The following ZMYND8 variants were observed in gnomAD, a reference collection of about 807,000 sequenced individuals.
The protein encoded by ZMYND8 is zinc finger MYND-type containing 8.
A neutral mutation model predicts 140.8 loss-of-function variants in ZMYND8; 37 were observed. That is an observed-to-expected ratio of 0.26 (90% CI 0.20 to 0.35). ZMYND8 has a LOEUF of 0.35. ZMYND8 is among the 10% of genes least tolerant of loss of function. The pLI, the probability that ZMYND8 is intolerant of heterozygous loss-of-function variation, is 1.00. For synonymous variants in ZMYND8, 592 were observed against 597.1 expected (o/e 0.99, Z 0.12); for missense variants, 1,068 against 1,570.0 (o/e 0.68, Z 5.40).
chr20:47,215,573 CAGGCACTCACTGCAGTCTCAAAACTCCT>C (rs1313105177), intron 21 of ZMYND8, among the ~76,000 whole-genome samples: 2 of 151,082 alleles, frequency 1.3e-5, no homozygotes, highest in Non-Finnish European at 2.9e-5. Flanking sequence ...TGGCTATTCA[CAGGCACTCACTGCAGTCTCAAAACTCCT>C]AGGCTCAAGT....
chr20:47,355,304 C>G (rs951770148), intron 1 of ZMYND8: 1 of 294,602 alleles, frequency 3.4e-6, no homozygotes, highest in Admixed American at 6.5e-5. Flanking sequence ...CACCTAAAAT[C>G]AAGACACTCT....
chr20:47,232,368 A>AAAATAAAT (rs3084712), intron 16 of ZMYND8, among the ~76,000 whole-genome samples: 5,554 of 149,146 alleles, frequency 0.037, 383 homozygotes, highest in African/African-American at 0.13. Flanking sequence ...CCTTGTCTCA[A>AAAATAAAT]AAATAAATAA....
intron 2 of ZMYND8, among the ~76,000 whole-genome samples, chr20:47,322,764 T>A (rs1467568729): frequency 6.6e-6 from 1 of 152,160 alleles, no homozygotes; most frequent in Non-Finnish European, 1.5e-5. Flanking sequence ...CAAAGTCATT[T>A]ATATGCTTCA....
At chr20:47,284,170 G>A (rs374774484) in intron 8 of ZMYND8, among the ~76,000 whole-genome samples, 11 of 152,024 alleles carry the variant, frequency 7.2e-5, no homozygotes, top group African/African-American at 2.2e-4. Flanking sequence ...CGATCCACCC[G>A]TCTCAGCCTC....
chr20:47,260,397 C>T (rs553999738), intron 12 of ZMYND8, among the ~76,000 whole-genome samples: 1 of 152,310 alleles, frequency 6.6e-6, no homozygotes, highest in African/African-American at 2.4e-5. Context: ...TCTCCGACTC[C>T]ACGGACTGGC....
At chr20:47,344,070 C>CG (rs1287397401) in intron 2 of ZMYND8, among the ~76,000 whole-genome samples, 1 of 151,678 alleles carries the variant, frequency 6.6e-6, no homozygotes, top group African/African-American at 2.4e-5. Flanking sequence ...CCCTCCACCC[C>CG]GGGTTCAAGT....
chr20:47,255,692 T>TAC (rs1491009529), intron 12 of ZMYND8, among the ~76,000 whole-genome samples: 3 of 96,296 alleles, frequency 3.1e-5, no homozygotes, highest in South Asian at 5.3e-4. Flanking sequence ...TGTGTGTGTA[T>TAC]ATATATATAT....
In ZMYND8 at chr20:47,292,070, T is replaced by C. The variant is rs182198486; in HGVS notation, c.568-182A>G. Among the ~76,000 whole-genome samples, 291 of 152,364 alleles carry C rather than the reference T, an allele frequency of 1.9e-3. 3 individuals are homozygous for C. The highest frequency in any genetic ancestry group is 1.8e-3 in the Non-Finnish European group (121 of 68,022). ...TCTACCTTCTAATTCTGCCTGGTTA[T>C]TGATAATTATAAGCCCAATTGTGAT... On this transcript the variant is annotated intron_variant, in intron 5 of 22. Transcript: ENST00000471951.
At chr20:47,324,158 T>C (rs564807993) in intron 2 of ZMYND8, among the ~76,000 whole-genome samples, 2 of 132,200 alleles carry the variant, frequency 1.5e-5, no homozygotes. Flanking sequence ...GCCGAGATCA[T>C]GCCATTGCAC....
Position 47,265,053 on chromosome 20 carries a change from C to CATATATAT in ZMYND8, c.1481-2633_1481-2626dup, listed in dbSNP as rs199638521. 3.6e-3 allele frequency among the ~76,000 whole-genome samples: 413 copies of CATATATAT among 114,296 alleles called. 7 individuals are homozygous for CATATATAT. The highest frequency in any genetic ancestry group is 0.033 in the South Asian group (137 of 4,126). 75.0% of individuals were successfully genotyped at this position (114,296 alleles called of 152,430 possible). On this transcript the variant is annotated intron_variant, in intron 11 of 22. Coordinates refer to ENST00000471951, the MANE Select transcript of ZMYND8 (RefSeq NM_001281775.3). ...CCCTGTCCCCAAAAAAATATATATA[C>CATATATAT]ATATATATATATATAGGCATTTTAA...
At chr20:47,309,558 C>T (rs142752189) in intron 3 of ZMYND8, among the ~76,000 whole-genome samples, 3,305 of 152,182 alleles carry the variant, frequency 0.022, 85 homozygotes, top group South Asian at 0.11. Flanking sequence ...CGACCTGCCT[C>T]GGCCTCCCAA....
At chr20:47,255,824 G>GTATA (rs531220424) in intron 12 of ZMYND8, among the ~76,000 whole-genome samples, 1 of 132,664 alleles carries the variant, frequency 7.5e-6, no homozygotes, top group African/African-American at 2.8e-5. Flanking sequence ...ATATTTGTAT[G>GTATA]TATATATATA....
chr20:47,270,454 T>A (rs1202221137), intron 11 of ZMYND8, among the ~76,000 whole-genome samples: 1 of 138,604 alleles, frequency 7.2e-6, no homozygotes, highest in Admixed American at 7.3e-5. Context: ...TTTAAAAAAA[T>A]AAATTCTACA....
chr20:47,233,909 C>T (rs1209011577), intron 16 of ZMYND8, among the ~76,000 whole-genome samples: 1 of 152,222 alleles, frequency 6.6e-6, no homozygotes, highest in Non-Finnish European at 1.5e-5. Flanking sequence ...TCCCAACCTA[C>T]TAATATTTTG....
Position 47,209,231 on chromosome 20 carries a change from TTTAA to T in ZMYND8, c.*1526_*1529del, listed in dbSNP as rs2034955086. The T allele has an allele frequency of 6.6e-6, 1 of 151,232 alleles. No homozygotes were observed. The highest frequency in any genetic ancestry group is 1.5e-5 in the Non-Finnish European group (1 of 67,862). The allele number at this position is 151,232 out of a possible 1,614,324, so 9.4% of individuals were successfully genotyped here. ...CGACCACGGCATTTTTCCAAAACAG[TTTAA>T]TTAAAAAAAGGTAAAGAAATCTGAA... On this transcript the variant is annotated 3_prime_UTR_variant, in exon 23 of 23. Transcript: ENST00000471951.
chr20:47,292,949 G>A (rs2077360857), intron 5 of ZMYND8, among the ~76,000 whole-genome samples: 1 of 151,504 alleles, frequency 6.6e-6, no homozygotes, highest in South Asian at 2.1e-4. Context: ...TATAGTTCCA[G>A]CTACTTGAGA....
intron 20 of ZMYND8, among the ~76,000 whole-genome samples, chr20:47,221,001 A>AT (rs376791195): frequency 4.9e-4 from 74 of 152,320 alleles, no homozygotes; most frequent in African/African-American, 1.6e-3. Flanking sequence ...TCAAGTGCTC[A>AT]AAAGCTGCAT....
intron 17 of ZMYND8, 23 bp downstream of exon 17, chr20:47,229,700 TAAG>T (rs2038210703): frequency 6.2e-7 from 1 of 1,606,072 alleles, no homozygotes; most frequent in Non-Finnish European, 8.5e-7. Context: ...TCTTAGCAAA[TAAG>T]AAATTCATGT....
intron 14 of ZMYND8, among the ~76,000 whole-genome samples, chr20:47,240,558 TTTTA>T (rs1474271634): frequency 6.6e-6 from 1 of 151,936 alleles, no homozygotes; most frequent in Non-Finnish European, 1.5e-5. Context: ...AATGAGTTTA[TTTTA>T]TTTATTTATT....
Sources: allele counts gnomAD v4.1 joint callset (sites outside exome capture counted in the v4.1 genomes callset), GRCh38; gene constraint gnomAD v4.1.1; transcripts MANE v1.5; gene names NCBI Gene and HGNC (gene_info 2026-07-23, HGNC 2026-07-21).